The following MSH4 variants were observed in gnomAD, a reference collection of about 807,000 sequenced individuals.
MSH4 encodes the protein mutS protein homolog 4.
In MSH4, 106 loss-of-function variants were observed where a neutral mutation model predicts 113.7. That is an observed-to-expected ratio of 0.93 (90% CI 0.80 to 1.10). The LOEUF is 1.10. Ranked by LOEUF, MSH4 falls within the 50% of genes least tolerant of loss-of-function variation. The probability of loss-of-function intolerance (pLI) is 0.00; values close to 1 mark genes in which losing one functional copy is unlikely to be tolerated. For synonymous variants in MSH4, 368 were observed against 380.2 expected (o/e 0.97, Z 0.37); for missense variants, 1,061 against 1,093.7 (o/e 0.97, Z 0.42).
At chr1:75,840,096 C>A (rs567710929) in intron 7 of MSH4, among the ~76,000 whole-genome samples, 1 of 152,196 alleles carries the variant, frequency 6.6e-6, no homozygotes, top group East Asian at 1.9e-4. Flanking sequence ...TCAACCCTTG[C>A]AGAAGTCAAT....
In MSH4 at chr1:75,886,490, T is replaced by TTATATATTACATATAA. The variant is rs1557524940; in HGVS notation, c.2107+2676_2107+2677insTACATATAATATATAT. ...TATTATATATAATATATATGATGTA[T>TTATATATTACATATAA]TATATATGATGTATTATATATAATA... On this transcript the variant is annotated intron_variant, in intron 15 of 19. Coordinates refer to ENST00000263187, the MANE Select transcript of MSH4 (RefSeq NM_002440.4). Among the ~76,000 whole-genome samples, 40 of 124,378 alleles carry TTATATATTACATATAA rather than the reference T, an allele frequency of 3.2e-4. 1 individual carries two copies. Among genetic ancestry groups the TTATATATTACATATAA allele is most frequent in the African/African-American group, 1.0e-3 (33 of 32,070 alleles). 81.6% of individuals were successfully genotyped at this position (124,378 alleles called of 152,430 possible). A position where few individuals can be genotyped will look rare whatever the true frequency, so the allele number is the denominator to read the frequency against.
intron 8 of MSH4, among the ~76,000 whole-genome samples, chr1:75,863,200 A>G (rs1651496401): frequency 6.6e-6 from 1 of 152,138 alleles, no homozygotes; most frequent in Non-Finnish European, 1.5e-5. Context: ...AGTAAGTATT[A>G]TGATAAGTGC....
At chr1:75,898,820 AC>A (rs766057330) in intron 18 of MSH4, among the ~76,000 whole-genome samples, 1 of 152,314 alleles carries the variant, frequency 6.6e-6, no homozygotes, top group African/African-American at 2.4e-5. Flanking sequence ...AGGGAAAAAA[AC>A]CATCTTTGTT....
intron 6 of MSH4, among the ~76,000 whole-genome samples, chr1:75,818,215 C>T (rs924261089): frequency 6.6e-6 from 1 of 152,176 alleles, no homozygotes; most frequent in African/African-American, 2.4e-5. Flanking sequence ...CTGCTGAAAA[C>T]CTTCCAGTGG....
chr1:75,817,874 G>C (rs1249275808), intron 6 of MSH4, among the ~76,000 whole-genome samples: 1 of 151,428 alleles, frequency 6.6e-6, no homozygotes, highest in South Asian at 2.1e-4. Flanking sequence ...CTACAAATTA[G>C]TTTAAATGGG....
intron 10 of MSH4, among the ~76,000 whole-genome samples, chr1:75,877,207 A>G (rs1651835019): frequency 6.6e-6 from 1 of 152,152 alleles, no homozygotes; most frequent in Admixed American, 6.5e-5. Context: ...TATTTGTGTT[A>G]AAGGACAATT....
At chr1:75,806,573 T>C (rs780279854) in intron 2 of MSH4, among the ~76,000 whole-genome samples, 1 of 152,122 alleles carries the variant, frequency 6.6e-6, no homozygotes, top group African/African-American at 2.4e-5. Flanking sequence ...ATGTTTCTAG[T>C]TCTTTTTTAA....
At position 75,837,381 on chromosome 1, in the gene MSH4, G is replaced by A. The variant is rs1057444390; in HGVS notation, c.1163-10828G>A. ...ACCTGAAACTTAATGTACCCAAATT[G>A]TGCCCTTTTTTTTTTTTTTTTTTTT... On this transcript the variant is annotated intron_variant, in intron 7 of 19. Coordinates refer to ENST00000263187, the MANE Select transcript of MSH4 (RefSeq NM_002440.4). 1.2e-4 allele frequency among the ~76,000 whole-genome samples: 16 copies of A among 129,362 alleles called. No individual in the cohort carries two copies. In the East Asian group the frequency reaches 3.9e-3, roughly 31 times the overall value. 84.9% of individuals were successfully genotyped at this position (129,362 alleles called of 152,430 possible).
intron 7 of MSH4, among the ~76,000 whole-genome samples, chr1:75,840,895 C>A (rs868235802): frequency 6.6e-6 from 1 of 152,000 alleles, no homozygotes; most frequent in Non-Finnish European, 1.5e-5. Context: ...TTGAGTAGTT[C>A]ATGGGAACAC....
At chr1:75,874,749 A>G (rs1048249805) in intron 9 of MSH4, among the ~76,000 whole-genome samples, 2 of 152,188 alleles carry the variant, frequency 1.3e-5, no homozygotes, top group Admixed American at 1.3e-4. Flanking sequence ...ATGCTGTTCA[A>G]TGATGATGAT....
At position 75,867,538 on chromosome 1, in the gene MSH4, A is replaced by G; in HGVS notation, c.1255A>G (p.Thr419Ala). The G allele has an allele frequency of 6.3e-7, 1 of 1,598,238 alleles. No individual in the cohort carries two copies. Among genetic ancestry groups the G allele is most frequent in the African/African-American group, 1.3e-5 (1 of 74,388 alleles). ...DTVNAAESKITNLIYLKHTLE... is the reference protein window; with the variant it reads ...DTVNAAESKIANLIYLKHTLE... ...GGTCAATGCTGCTGAATCAAAGATAACAAATTTAATATACTTAAAACATAC... is the reference window on the plus strand; with the variant it reads ...GGTCAATGCTGCTGAATCAAAGATAGCAAATTTAATATACTTAAAACATAC... Residue 419 changes from threonine to alanine, a missense_variant, in exon 9 of 20, where the codon ACA (threonine) becomes GCA (alanine). Thr to Ala is a moderately conservative substitution (Grantham distance 58). Transcript: ENST00000263187.
At chr1:75,884,274 A>T (rs1007407016) in intron 15 of MSH4, among the ~76,000 whole-genome samples, 6 of 152,116 alleles carry the variant, frequency 3.9e-5, no homozygotes, top group Non-Finnish European at 5.9e-5. Context: ...GGTACCAATA[A>T]CTTGGCCATA....
chr1:75,903,808 G>A (rs1188689299), intron 19 of MSH4, among the ~76,000 whole-genome samples: 2 of 151,894 alleles, frequency 1.3e-5, no homozygotes, highest in Admixed American at 1.3e-4. Context: ...TATGTCATCT[G>A]TAAAAAGGAT....
intron 9 of MSH4, among the ~76,000 whole-genome samples, chr1:75,873,006 G>T (rs1375672428): frequency 2.0e-5 from 3 of 152,244 alleles, no homozygotes; most frequent in Non-Finnish European, 4.4e-5. Flanking sequence ...AAACAACTAT[G>T]CTGGGCTGTG....
chr1:75,848,045 A>G lies in MSH4; in HGVS notation c.1163-164A>G, dbSNP rs193063931. On this transcript the variant is annotated intron_variant, in intron 7 of 19. Transcript: ENST00000263187. ...TCAAAATTAACAAAAGAGCATTAGA[A>G]TTTAGTTATATTCATTTTACATGTA... Among the ~76,000 whole-genome samples, 16 of 152,326 alleles carry G rather than the reference A, an allele frequency of 1.1e-4. No homozygotes were observed. In the East Asian group the frequency reaches 2.1e-3, roughly 20 times the overall value.
At chr1:75,854,161 A>G (rs987184617) in intron 8 of MSH4, among the ~76,000 whole-genome samples, 2 of 151,398 alleles carry the variant, frequency 1.3e-5, no homozygotes, top group African/African-American at 4.8e-5. Context: ...CTCTCTTTCC[A>G]TATTAGTAAC....
chr1:75,871,142 A>G (rs1651704962), intron 9 of MSH4, among the ~76,000 whole-genome samples: 1 of 152,168 alleles, frequency 6.6e-6, no homozygotes, highest in Non-Finnish European at 1.5e-5. Context: ...CTTTGTTACA[A>G]GGCAGCAGGA....
chr1:75,909,581 T>C (rs988661259), intron 19 of MSH4, among the ~76,000 whole-genome samples: 28 of 151,948 alleles, frequency 1.8e-4, no homozygotes, highest in African/African-American at 6.5e-4. Context: ...CATCAACCCG[T>C]CATCTAGGTT....
intron 1 of MSH4, among the ~76,000 whole-genome samples, chr1:75,800,742 A>G (rs1427001332): frequency 2.0e-5 from 3 of 152,144 alleles, no homozygotes; most frequent in Admixed American, 1.3e-4. Flanking sequence ...TGAGGGAAAG[A>G]TAGAGTTCAC....
Sources: gnomAD v4.1 joint callset for allele counts (sites outside exome capture counted in the v4.1 genomes callset) on GRCh38, gnomAD v4.1.1 for gene constraint, MANE v1.5 for transcripts, NCBI Gene and HGNC (gene_info 2026-07-23, HGNC 2026-07-21) for gene names.